The following MPHOSPH6 variants were observed in gnomAD, a reference collection of about 807,000 sequenced individuals.
MPHOSPH6 encodes the protein M-phase phosphoprotein 6.
In MPHOSPH6, 25 loss-of-function variants were observed where a neutral mutation model predicts 21.8. The observed-to-expected ratio is 1.15, with a 90% CI of 0.83 to 1.60. MPHOSPH6 has a LOEUF of 1.60. MPHOSPH6 is among the 40% of genes most tolerant of loss of function. The pLI, the probability that MPHOSPH6 is intolerant of heterozygous loss-of-function variation, is 0.00. For synonymous variants in MPHOSPH6, 84 were observed against 56.5 expected, an observed-to-expected ratio of 1.49 and a Z score of -2.18; for missense variants, 269 against 181.8, an observed-to-expected ratio of 1.48 and a Z score of -2.76.
chr16:82,166,052 CAAAATGA>C (rs1446056820), intron 1 of MPHOSPH6, among the ~76,000 whole-genome samples: 3 of 152,188 alleles, frequency 2.0e-5, no homozygotes, highest in Non-Finnish European at 2.9e-5. Flanking sequence ...ACCGTCCACG[CAAAATGA>C]GTGCGTGTAA....
At position 82,148,833 on chromosome 16, in the gene MPHOSPH6, T is replaced by G. The variant is rs1164977136; in HGVS notation, c.381A>C (p.Lys127Asn). 4 of 1,614,182 alleles carry G rather than the reference T, an allele frequency of 2.5e-6. No homozygotes were observed. The highest frequency in any genetic ancestry group is 3.3e-5 in the Admixed American group (2 of 60,026). Residue 127 changes from lysine to asparagine, a missense_variant, in exon 5 of 5, where the codon AAA (lysine) becomes AAC (asparagine). By Grantham distance (94) the Lys-to-Asn change is moderately conservative. Coordinates refer to ENST00000258169, the MANE Select transcript of MPHOSPH6 (RefSeq NM_005792.2). ...RYETLVGTIGKKFARKRDHAN... is the reference protein window; with the variant it reads ...RYETLVGTIGNKFARKRDHAN... Reference sequence around the variant, plus strand: ...CATGGTCTCTCTTTCTGGCAAACTTTTTCCCAATTGTCCCCACCAAGGTCT... The same window carrying G: ...CATGGTCTCTCTTTCTGGCAAACTTGTTCCCAATTGTCCCCACCAAGGTCT...
At chr16:82,162,985 T>A (rs978578610) in intron 2 of MPHOSPH6, among the ~76,000 whole-genome samples, 1 of 152,134 alleles carries the variant, frequency 6.6e-6, no homozygotes, top group Non-Finnish European at 1.5e-5. Flanking sequence ...GGTCCCTTCC[T>A]CCCTGTGACC....
At chr16:82,162,818 G>A (rs1291513258) in intron 2 of MPHOSPH6, among the ~76,000 whole-genome samples, 1 of 152,194 alleles carries the variant, frequency 6.6e-6, no homozygotes, top group Non-Finnish European at 1.5e-5. Flanking sequence ...TTCCCAGAAA[G>A]AAATGTAAAG....
intron 2 of MPHOSPH6, among the ~76,000 whole-genome samples, chr16:82,160,329 T>C (rs1228734880): frequency 1.3e-5 from 2 of 152,190 alleles, no homozygotes; most frequent in Non-Finnish European, 2.9e-5. Flanking sequence ...ATTTCGCAGA[T>C]GAGAAACTAC....
intron 1 of MPHOSPH6, among the ~76,000 whole-genome samples, chr16:82,168,660 TG>T (rs1906871416): frequency 6.6e-6 from 1 of 152,106 alleles, no homozygotes; most frequent in Admixed American, 6.5e-5. Flanking sequence ...TTTGTAGAGA[TG>T]GGGTTTCACC....
chr16:82,168,661 G>A (rs1212206674), intron 1 of MPHOSPH6, among the ~76,000 whole-genome samples: 6 of 151,990 alleles, frequency 3.9e-5, no homozygotes, highest in Admixed American at 3.9e-4. Context: ...TTGTAGAGAT[G>A]GGGTTTCACC....
intron 2 of MPHOSPH6, among the ~76,000 whole-genome samples, chr16:82,161,641 T>C (rs928426249): frequency 6.6e-6 from 1 of 152,168 alleles, no homozygotes; most frequent in African/African-American, 2.4e-5. Context: ...GGCAGTGTTG[T>C]TCAGCAGATG....
At chr16:82,150,838 C>T (rs1906241185) in intron 3 of MPHOSPH6, among the ~76,000 whole-genome samples, 1 of 152,202 alleles carries the variant, frequency 6.6e-6, no homozygotes, top group Admixed American at 6.5e-5. Context: ...TTTGGTTCAT[C>T]AAGTACTTGA....
intron 2 of MPHOSPH6, among the ~76,000 whole-genome samples, chr16:82,151,967 C>G (rs550781199): frequency 2.0e-5 from 3 of 152,128 alleles, no homozygotes; most frequent in Non-Finnish European, 4.4e-5. Context: ...CATATTTTGT[C>G]TTTCGTTCTC....
At chr16:82,169,516 G>T (rs2967360) in intron 1 of MPHOSPH6, among the ~76,000 whole-genome samples, 6,838 of 152,214 alleles carry the variant, frequency 0.045, 505 homozygotes, top group African/African-American at 0.16. Context: ...CCACCCTGCA[G>T]ATTTTAGACT....
chr16:82,162,091 A>G (rs1906625019), intron 2 of MPHOSPH6: 1 of 152,258 alleles, frequency 6.6e-6, no homozygotes, highest in South Asian at 2.1e-4. Flanking sequence ...ACTGTGCTTT[A>G]TGCCTGGTGT....
At chr16:82,157,529 A>T (rs1015672686) in intron 2 of MPHOSPH6, among the ~76,000 whole-genome samples, 4 of 152,228 alleles carry the variant, frequency 2.6e-5, no homozygotes, top group Admixed American at 1.3e-4. Flanking sequence ...GTGATGATGG[A>T]AATGTTTCCT....
intron 2 of MPHOSPH6, among the ~76,000 whole-genome samples, chr16:82,161,492 C>T (rs1020247432): frequency 6.6e-6 from 1 of 152,214 alleles, no homozygotes; most frequent in African/African-American, 2.4e-5. Context: ...CTTTCTGGAC[C>T]ATATCCTTGG....
intron 2 of MPHOSPH6, among the ~76,000 whole-genome samples, chr16:82,162,700 T>C (rs1226038921): frequency 6.6e-6 from 1 of 152,192 alleles, no homozygotes. Flanking sequence ...ACCTTGATAG[T>C]CTCTCCTCAG....
intron 3 of MPHOSPH6, among the ~76,000 whole-genome samples, chr16:82,149,775 A>G (rs1597158472): frequency 6.6e-6 from 1 of 152,094 alleles, no homozygotes; most frequent in African/African-American, 2.4e-5. Context: ...TTTAAGCCAT[A>G]TGGAAGAAAC....
chr16:82,163,666 T>G (rs779057669), intron 2 of MPHOSPH6, among the ~76,000 whole-genome samples: 1 of 152,202 alleles, frequency 6.6e-6, no homozygotes, highest in African/African-American at 2.4e-5. Context: ...AGTAACAATT[T>G]AAAAGAAGAA....
intron 2 of MPHOSPH6, among the ~76,000 whole-genome samples, chr16:82,154,419 G>A (rs1343994626): frequency 6.6e-6 from 1 of 152,042 alleles, no homozygotes; most frequent in Non-Finnish European, 1.5e-5. Context: ...CAAATGTACA[G>A]CACACAATAA....
At chr16:82,166,732 T>C (rs10514532) in intron 1 of MPHOSPH6, among the ~76,000 whole-genome samples, 99,155 of 152,144 alleles carry the variant, frequency 0.65, 34,435 homozygotes, top group East Asian at 0.78. Context: ...TTTCTTTAAA[T>C]GCAGATGCCT....
chr16:82,164,948 G>C (rs1451497575), intron 1 of MPHOSPH6: 1 of 151,884 alleles, frequency 6.6e-6, no homozygotes, highest in East Asian at 1.9e-4. Flanking sequence ...TTTCTTCAGG[G>C]AACAAGTGAA....
Sources: allele counts gnomAD v4.1 joint callset (sites outside exome capture counted in the v4.1 genomes callset), GRCh38; gene constraint gnomAD v4.1.1; transcripts MANE v1.5; gene names NCBI Gene and HGNC (gene_info 2026-07-23, HGNC 2026-07-21).